Variants in CBLB observed in about 807,000 individuals in gnomAD.
The protein encoded by CBLB is Cbl proto-oncogene B.
A neutral mutation model predicts 104.9 loss-of-function variants in CBLB; 31 were observed. That is an observed-to-expected ratio of 0.30 (90% CI 0.22 to 0.40). CBLB has a LOEUF of 0.40. Ranked by LOEUF, CBLB falls within the 10% of genes least tolerant of loss-of-function variation. The pLI is 1.00. For synonymous variants in CBLB, 440 were observed against 422.6 expected, an observed-to-expected ratio of 1.04 and a Z score of -0.51; for missense variants, 1,062 against 1,214.6, an observed-to-expected ratio of 0.87 and a Z score of 1.87.
chr3:105,822,867 C>T (rs2086072659), intron 3 of CBLB, among the ~76,000 whole-genome samples: 1 of 152,176 alleles, frequency 6.6e-6, no homozygotes, highest in African/African-American at 2.4e-5. Context: ...TTAAATCAAA[C>T]AAACAAACAT....
chr3:105,723,758 A>G (rs866563881), intron 9 of CBLB, among the ~76,000 whole-genome samples: 15 of 152,092 alleles, frequency 9.9e-5, no homozygotes, highest in African/African-American at 2.2e-4. Flanking sequence ...CAGACATACT[A>G]TATCTTAAAT....
chr3:105,657,370 G>C lies in CBLB; in HGVS notation c.*1600C>G. 4.7e-6 allele frequency: 1 copy of C among 214,786 alleles called. No homozygotes were observed. Among genetic ancestry groups the C allele is most frequent in the Non-Finnish European group, 9.4e-6 (1 of 106,526 alleles). The allele number at this position is 214,786 out of a possible 1,614,324, so 13.3% of individuals were successfully genotyped here. On this transcript the variant is annotated 3_prime_UTR_variant, in exon 19 of 19. Transcript: ENST00000394030. ...AGAAATATGCACAAACCCACAATTA[G>C]TCCATATTTAGAAAACTTTCTGTGG...
intron 10 of CBLB, among the ~76,000 whole-genome samples, chr3:105,710,658 TCTAA>T (rs1053788529): frequency 6.6e-6 from 1 of 151,952 alleles, no homozygotes; most frequent in Non-Finnish European, 1.5e-5. Context: ...AGTATATTTG[TCTAA>T]CTAACAATTT....
intron 3 of CBLB, among the ~76,000 whole-genome samples, chr3:105,840,872 G>A (rs200400621): frequency 1.6e-4 from 24 of 146,036 alleles, no homozygotes; most frequent in Non-Finnish European, 2.1e-4. Context: ...TATTACTCAA[G>A]AAAAAAAAAA....
intron 3 of CBLB, among the ~76,000 whole-genome samples, chr3:105,811,661 AC>A (rs1708777697): frequency 6.6e-6 from 1 of 152,132 alleles, no homozygotes; most frequent in Non-Finnish European, 1.5e-5. Flanking sequence ...CCCTAGATAA[AC>A]CCCAGTATTC....
chr3:105,686,941 G>A (rs1437961897), intron 13 of CBLB, among the ~76,000 whole-genome samples: 1 of 152,012 alleles, frequency 6.6e-6, no homozygotes, highest in Non-Finnish European at 1.5e-5. Flanking sequence ...TAACTTTGGA[G>A]GATTTACTTT....
At chr3:105,677,218 G>A (rs2065752125) in intron 17 of CBLB, among the ~76,000 whole-genome samples, 1 of 152,096 alleles carries the variant, frequency 6.6e-6, no homozygotes, top group South Asian at 2.1e-4. Context: ...AATATTTACT[G>A]ATGTAAAAGC....
At chr3:105,704,889 A>G (rs1288811248) in intron 10 of CBLB, among the ~76,000 whole-genome samples, 1 of 152,128 alleles carries the variant, frequency 6.6e-6, no homozygotes, top group Non-Finnish European at 1.5e-5. Flanking sequence ...ATTTGTACGT[A>G]ACACTTCCTA....
At chr3:105,682,599 C>A (rs1161455139) in intron 14 of CBLB, among the ~76,000 whole-genome samples, 1 of 152,060 alleles carries the variant, frequency 6.6e-6, no homozygotes, top group Non-Finnish European at 1.5e-5. Flanking sequence ...CTCCGCCTAC[C>A]AGGTTCAAGC....
chr3:105,770,572 C>T (rs1393325961), intron 4 of CBLB, among the ~76,000 whole-genome samples: 2 of 152,108 alleles, frequency 1.3e-5, no homozygotes, highest in Admixed American at 1.3e-4. Context: ...AATATAATCT[C>T]GAGTGGAACA....
chr3:105,722,150 C>T (rs1277888903), intron 9 of CBLB, among the ~76,000 whole-genome samples: 4 of 131,922 alleles, frequency 3.0e-5, no homozygotes, highest in Admixed American at 9.2e-5. Context: ...CAGTGAGCTA[C>T]GACAGCATGA....
intron 12 of CBLB, 130 bp downstream of exon 12, chr3:105,701,964 G>T: frequency 1.1e-6 from 1 of 914,532 alleles, no homozygotes; most frequent in Non-Finnish European, 1.7e-6. Context: ...TTTATAACTT[G>T]GGGATAATTA....
At chr3:105,701,974 A>T in intron 12 of CBLB, 120 bp downstream of exon 12, 2 of 1,027,852 alleles carry the variant, frequency 1.9e-6, no homozygotes, top group Non-Finnish European at 3.0e-6. Context: ...GGGGATAATT[A>T]AAGACTTACA....
intron 3 of CBLB, among the ~76,000 whole-genome samples, chr3:105,808,123 A>T (rs1158039801): frequency 6.6e-6 from 1 of 152,230 alleles, no homozygotes; most frequent in East Asian, 1.9e-4. Flanking sequence ...CTTGTCTTCA[A>T]CTGAGCCTTA....
At chr3:105,862,675 C>T (rs943171819) in intron 2 of CBLB, among the ~76,000 whole-genome samples, 1 of 152,172 alleles carries the variant, frequency 6.6e-6, no homozygotes, top group African/African-American at 2.4e-5. Flanking sequence ...TTTTCCCTCC[C>T]TGATTAACAG....
intron 18 of CBLB, among the ~76,000 whole-genome samples, chr3:105,661,298 C>T (rs996081713): frequency 1.3e-5 from 2 of 152,056 alleles, no homozygotes; most frequent in South Asian, 2.1e-4. Context: ...TGATAAACTG[C>T]GTTTCTTAGT....
chr3:105,687,535 C>T (rs1320439346), intron 13 of CBLB, among the ~76,000 whole-genome samples: 1 of 151,850 alleles, frequency 6.6e-6, no homozygotes, highest in South Asian at 2.1e-4. Context: ...AAATTGTCAA[C>T]TTACACAGAT....
chr3:105,659,249 G>T lies in CBLB; in HGVS notation c.2690-20C>A, dbSNP rs762424489. On this transcript the variant is annotated intron_variant, in intron 18 of 18. Coordinates refer to ENST00000394030, the MANE Select transcript of CBLB (RefSeq NM_170662.5). ...AACCATCTGTGTAGATTTTTAAAGAGAGATACTATTTAAACAGTGAAATAA... is the reference window on the plus strand; with the variant it reads ...AACCATCTGTGTAGATTTTTAAAGATAGATACTATTTAAACAGTGAAATAA... The T allele has an allele frequency of 6.2e-7, 1 of 1,611,282 alleles. No individual in the cohort carries two copies. Among genetic ancestry groups the T allele is most frequent in the Admixed American group, 1.7e-5 (1 of 59,978 alleles).
rs779345868 is a variant in CBLB, at chr3:105,678,485, G to A, written c.2515C>T (p.Pro839Ser). 2 of 1,614,110 alleles carry A rather than the reference G, an allele frequency of 1.2e-6. No homozygotes were observed. The highest frequency in any genetic ancestry group is 1.7e-6 in the Non-Finnish European group (2 of 1,179,960). Residue 839 changes from proline (P) to serine (S), a missense_variant, in exon 17 of 19, where the codon CCT becomes TCT. Around this residue, in one of 2 missense-constraint regions of CBLB, gnomAD observed 605 missense variants for 582.6 expected, o/e 1.04. Coordinates refer to ENST00000394030, the MANE Select transcript of CBLB (RefSeq NM_170662.5). ...GAGGATGGCCGGCTACTGGAGCCAG[G>A]AGGTTTTGAATGTTCAATGAGACTA... The part of the protein sequence containing the change: ...RHSLIEHSKP[P>S]GSSSRPSSGQ...
Sources: allele counts gnomAD v4.1 joint callset (sites outside exome capture counted in the v4.1 genomes callset), GRCh38; gene constraint gnomAD v4.1.1; regional missense constraint gnomAD v4.1.1; transcripts MANE v1.5; gene names NCBI Gene and HGNC (gene_info 2026-07-23, HGNC 2026-07-21).